MMAB: variants seen among roughly 807,000 people sequenced by gnomAD.
The protein encoded by MMAB is metabolism of cobalamin associated B, also known as corrinoid adenosyltransferase MMAB.
In MMAB, 17 loss-of-function variants were observed where a neutral mutation model predicts 30.6. The observed-to-expected ratio is 0.56, with a 90% CI of 0.38 to 0.83. MMAB has a LOEUF of 0.83. MMAB is among the 40% of genes least tolerant of loss of function. The probability of loss-of-function intolerance (pLI) is 0.00; values close to 1 mark genes in which losing one functional copy is unlikely to be tolerated. For missense variants in MMAB, 311 were observed against 331.6 expected (o/e 0.94, Z 0.48); for synonymous variants, 134 against 138.6 (o/e 0.97, Z 0.23).
rs999351742 is a variant in MMAB at position 109,560,957 on chromosome 12, G to A, written c.584+83C>T. On this transcript the variant is annotated intron_variant, in intron 7 of 8. Coordinates refer to ENST00000545712, the MANE Select transcript of MMAB (RefSeq NM_052845.4). ...GGCCCCTCTCCCTCTCCCCATCTCC[G>A]TCCTCCTCTCCCTCTCCCTCCCCCC... 10 of 1,187,898 alleles carry A rather than the reference G, an allele frequency of 8.4e-6. No homozygotes were observed. In the East Asian group the frequency reaches 1.1e-4, roughly 13 times the overall value. 73.6% of individuals were successfully genotyped at this position (1,187,898 alleles called of 1,614,324 possible). A position where few individuals can be genotyped will look rare whatever the true frequency, so the allele number is the denominator to read the frequency against.
At chr12:109,571,548 G>A in intron 2 of MMAB, 101 bp downstream of exon 2, 3 of 1,115,648 alleles carry the variant, frequency 2.7e-6, no homozygotes, top group Non-Finnish European at 4.1e-6. Context: ...CACCGCGCCT[G>A]GTATATTATA....
In MMAB at chr12:109,561,682, C is replaced by T. The variant is rs1206640199; in HGVS notation, c.421+98G>A. On this transcript the variant is annotated intron_variant, in intron 5 of 8. Transcript: ENST00000545712. This position sits in a 1 kb window ranked among gnomAD's most constrained non-coding sequence, Gnocchi z 5.3. ...GCTACGAGCAAGGCTAACTGACCCA[C>T]CCGTGGGTCCCTGGGGGCCTGGGAT... 7.7e-7 allele frequency: 1 copy of T among 1,301,960 alleles called. No individual in the cohort carries two copies. The highest frequency in any genetic ancestry group is 1.3e-5 in the South Asian group (1 of 78,832). The allele number at this position is 1,301,960 out of a possible 1,614,324, so 80.7% of individuals were successfully genotyped here. A position where few individuals can be genotyped will look rare whatever the true frequency, so the allele number is the denominator to read the frequency against.
intron 2 of MMAB, 148 bp downstream of exon 2, chr12:109,571,501 C>G (rs1023662174): frequency 2.8e-6 from 2 of 725,456 alleles, no homozygotes; most frequent in African/African-American, 3.5e-5. Context: ...ATTAGCCCAA[C>G]AGGGCCTCCC....
intron 8 of MMAB, among the ~76,000 whole-genome samples, chr12:109,557,958 G>A (rs67520670): frequency 0.053 from 8,145 of 152,296 alleles, 301 homozygotes; most frequent in Non-Finnish European, 0.082. Flanking sequence ...CGCTTACGCT[G>A]TCAGCTCTTC....
intron 1 of MMAB, 48 bp downstream of exon 1, chr12:109,573,299 C>T (rs769702190): frequency 1.3e-5 from 21 of 1,611,796 alleles, no homozygotes; most frequent in Middle Eastern, 1.7e-4. Flanking sequence ...GCGACGACAC[C>T]ACGATTCACG....
intron 4 of MMAB, among the ~76,000 whole-genome samples, chr12:109,562,416 A>C (rs533990276): frequency 1.8e-4 from 28 of 152,340 alleles, no homozygotes; most frequent in African/African-American, 5.8e-4. Context: ...CAAACTCTGA[A>C]CTTTCAGCAC....
Position 109,564,883 on chromosome 12 carries a change from T to C in MMAB, c.348+236A>G, listed in dbSNP as rs1236686327. 4.9e-6 allele frequency: 3 copies of C among 618,082 alleles called. No individual in the cohort carries two copies. The East Asian group carries it at 8.3e-5, about 17-fold the overall frequency. The allele number at this position is 618,082 out of a possible 1,614,324, so 38.3% of individuals were successfully genotyped here. A position where few individuals can be genotyped will look rare whatever the true frequency, so the allele number is the denominator to read the frequency against. Reference sequence around the variant, plus strand: ...TTGTAGAGTCAGGGTCTTATTATGTTACCTAGGCTCCTGGCCTCAAGTGAT... The same window carrying C: ...TTGTAGAGTCAGGGTCTTATTATGTCACCTAGGCTCCTGGCCTCAAGTGAT... On this transcript the variant is annotated intron_variant, in intron 4 of 8. Transcript: ENST00000545712.
chr12:109,573,115 C>A (rs866956841), intron 1 of MMAB: 1 of 601,606 alleles, frequency 1.7e-6, no homozygotes, highest in Admixed American at 2.8e-5. Context: ...TCCTGGCCCA[C>A]ATGGGATATG....
rs895273405 is a variant in MMAB, at chr12:109,558,823, C to A, written c.644+273G>T. ...CCTTTGCCCCCGCAATGCCACTTTG[C>A]ACTTAGGTTTTTCTTCCTGGTTTTT... is the stretch of plus-strand genomic sequence containing the variant. On this transcript the variant is annotated intron_variant, in intron 8 of 8. Coordinates refer to ENST00000545712, the MANE Select transcript of MMAB (RefSeq NM_052845.4). The surrounding 1 kb of genome is among the most constrained non-coding windows in gnomAD (Gnocchi z 4.3). Among the ~76,000 whole-genome samples, 3 of 151,972 alleles carry A rather than the reference C, an allele frequency of 2.0e-5. No individual in the cohort carries two copies. The highest frequency in any genetic ancestry group is 7.3e-5 in the African/African-American group (3 of 41,362).
chr12:109,556,693 C>G lies in MMAB; in HGVS notation c.*335G>C. Reference sequence around the variant, plus strand: ...ACACACACACACACACACACACACACGGCTCCAGCCTTTCCAACTTTTATT... The same window carrying G: ...ACACACACACACACACACACACACAGGGCTCCAGCCTTTCCAACTTTTATT... On this transcript the variant is annotated 3_prime_UTR_variant, in exon 9 of 9. Transcript: ENST00000545712. 2.1e-6 allele frequency: 1 copy of G among 472,722 alleles called. No individual in the cohort carries two copies. The highest frequency in any genetic ancestry group is 4.2e-6 in the Non-Finnish European group (1 of 239,676). The allele number at this position is 472,722 out of a possible 1,614,324, so 29.3% of individuals were successfully genotyped here. A position where few individuals can be genotyped will look rare whatever the true frequency, so the allele number is the denominator to read the frequency against.
chr12:109,557,453 T>C (rs1373778500), intron 8 of MMAB, among the ~76,000 whole-genome samples: 1 of 152,198 alleles, frequency 6.6e-6, no homozygotes, highest in Non-Finnish European at 1.5e-5. Context: ...CTTTGAGTGA[T>C]CAGGGCTCAG....
intron 7 of MMAB, among the ~76,000 whole-genome samples, chr12:109,559,623 G>A (rs1043670834): frequency 8.5e-5 from 13 of 152,310 alleles, no homozygotes; most frequent in East Asian, 3.9e-4. Flanking sequence ...TCCTGATTCC[G>A]CAGGATTCTG....
At position 109,561,266 on chromosome 12, in the gene MMAB, C is replaced by A; in HGVS notation, c.519+154G>T. ...ACCGGGCACGCTGCTCCAGAGTGGG[C>A]AGGGCTGGGAGGGACCGGTGAGGAC... is the stretch of plus-strand genomic sequence containing the variant. On this transcript the variant is annotated intron_variant, in intron 6 of 8. Coordinates refer to ENST00000545712, the MANE Select transcript of MMAB (RefSeq NM_052845.4). This position sits in a 1 kb window ranked among gnomAD's most constrained non-coding sequence, Gnocchi z 5.3. The A allele has an allele frequency of 3.8e-6, 6 of 1,584,768 alleles. No individual in the cohort carries two copies. Among genetic ancestry groups the A allele is most frequent in the Non-Finnish European group, 5.1e-6 (6 of 1,173,114 alleles).
At chr12:109,573,309 G>A in intron 1 of MMAB, 38 bp downstream of exon 1, 1 of 1,611,656 alleles carries the variant, frequency 6.2e-7, no homozygotes, top group Non-Finnish European at 8.5e-7. Flanking sequence ...CACGATTCAC[G>A]GCAGGTGTTC....
chr12:109,559,160 A>C lies in MMAB; in HGVS notation c.585-5T>G. 1 of 1,612,678 alleles carries C rather than the reference A, an allele frequency of 6.2e-7. No homozygotes were observed. Among genetic ancestry groups the C allele is most frequent in the Non-Finnish European group, 8.5e-7 (1 of 1,178,820 alleles). On this transcript the variant is annotated splice_region_variant and splice_polypyrimidine_tract_variant and intron_variant, in intron 7 of 8. Transcript: ENST00000545712. ...ATCTGGACAAGAGGCACCACACTAG[A>C]AAGGGAGGAGACACTGAGTCACGTG...
chr12:109,571,253 C>CT (rs962822910), intron 2 of MMAB, among the ~76,000 whole-genome samples: 42 of 147,028 alleles, frequency 2.9e-4, no homozygotes, highest in East Asian at 1.6e-3. Flanking sequence ...TTTTCTGAGA[C>CT]TTTTTTTTTT....
chr12:109,561,606 G>T lies in MMAB; in HGVS notation c.422-89C>A, dbSNP rs925885009. The T allele has an allele frequency of 3.9e-6, 5 of 1,286,806 alleles. No individual in the cohort carries two copies. The highest frequency in any genetic ancestry group is 1.3e-5 in the South Asian group (1 of 78,510). 79.7% of individuals were successfully genotyped at this position (1,286,806 alleles called of 1,614,324 possible). On this transcript the variant is annotated intron_variant, in intron 5 of 8. Coordinates refer to ENST00000545712, the MANE Select transcript of MMAB (RefSeq NM_052845.4). The surrounding 1 kb of genome is among the most constrained non-coding windows in gnomAD (Gnocchi z 5.3). ...CCACCCCCGCCGCCCTTCCACCTGG[G>T]TGTCCCGCAGACTGCTTCCACTGGC...
Position 109,556,648 on chromosome 12 carries a change from T to TCTCTCTCTCTCACACACACACACACACA in MMAB, c.*379_*380insTGTGTGTGTGTGTGTGTGAGAGAGAGAG, listed in dbSNP as rs1555273916. 5 of 299,376 alleles carry TCTCTCTCTCTCACACACACACACACACA rather than the reference T, an allele frequency of 1.7e-5. No homozygotes were observed. The highest frequency in any genetic ancestry group is 1.5e-4 in the African/African-American group (5 of 33,092). The allele number at this position is 299,376 out of a possible 1,614,324, so 18.5% of individuals were successfully genotyped here. On this transcript the variant is annotated 3_prime_UTR_variant, in exon 9 of 9. Coordinates refer to ENST00000545712, the MANE Select transcript of MMAB (RefSeq NM_052845.4). Reference sequence around the variant, plus strand: ...GAGCTGGCAGTGGGAGGGCTCTCTCTCACACACACACACACACACACACAC... The same window carrying TCTCTCTCTCTCACACACACACACACACA: ...GAGCTGGCAGTGGGAGGGCTCTCTCTCTCTCTCTCTCACACACACACACACACACACACACACACACACACACACACAC...
At chr12:109,568,595 C>T in intron 3 of MMAB, 175 bp downstream of exon 3, 1 of 687,666 alleles carries the variant, frequency 1.5e-6, no homozygotes, top group East Asian at 2.7e-5. Flanking sequence ...GGAAAGGAGT[C>T]TGCAGCCCCA....
Sources: gnomAD v4.1 joint callset for allele counts (sites outside exome capture counted in the v4.1 genomes callset) on GRCh38, gnomAD v4.1.1 for gene constraint, Gnocchi (gnomAD v3.1) non-coding constraint, MANE v1.5 for transcripts, NCBI Gene and HGNC (gene_info 2026-07-23, HGNC 2026-07-21) for gene names.